Variants in PARD3 observed in about 807,000 individuals in gnomAD.
PARD3 encodes partitioning defective 3 homolog.
A neutral mutation model predicts 155.4 loss-of-function variants in PARD3; 75 were observed. That is an observed-to-expected ratio of 0.48 (90% CI 0.40 to 0.58). PARD3 has a LOEUF of 0.58. Ranked by LOEUF, PARD3 falls within the 20% of genes least tolerant of loss-of-function variation. PARD3 has a pLI of 0.00. For synonymous variants in PARD3, 576 were observed against 610.5 expected (o/e 0.94, Z 0.83); for missense variants, 1,642 against 1,721.7 (o/e 0.95, Z 0.82).
intron 2 of PARD3, among the ~76,000 whole-genome samples, chr10:34,519,814 AAAAT>A (rs1229767757): frequency 1.4e-5 from 2 of 147,702 alleles, no homozygotes; most frequent in East Asian, 2.0e-4. Context: ...ACTCCATCTC[AAAAT>A]AAATAACATA....
chr10:34,489,852 T>C (rs1422367389), intron 3 of PARD3, among the ~76,000 whole-genome samples: 2 of 152,204 alleles, frequency 1.3e-5, no homozygotes, highest in Non-Finnish European at 2.9e-5. Context: ...GGCTATAAAA[T>C]AGGTTCTATT....
chr10:34,501,325 C>T (rs1765265037), intron 3 of PARD3, among the ~76,000 whole-genome samples: 2 of 152,074 alleles, frequency 1.3e-5, no homozygotes, highest in African/African-American at 2.4e-5. Flanking sequence ...CCCCCCTCTG[C>T]CCGACTTGCT....
At chr10:34,673,463 T>A (rs1251047390) in intron 2 of PARD3, among the ~76,000 whole-genome samples, 2 of 152,194 alleles carry the variant, frequency 1.3e-5, no homozygotes, top group African/African-American at 4.8e-5. Context: ...TCATTACTTG[T>A]GGTTGGTAAA....
chr10:34,553,945 G>A (rs932654789), intron 2 of PARD3, among the ~76,000 whole-genome samples: 21 of 152,298 alleles, frequency 1.4e-4, no homozygotes, highest in Non-Finnish European at 2.6e-4. Flanking sequence ...TGCTAGACTA[G>A]TGATGCATTT....
At chr10:34,414,557 T>G (rs1378745596) in intron 5 of PARD3, among the ~76,000 whole-genome samples, 1 of 151,798 alleles carries the variant, frequency 6.6e-6, no homozygotes, top group Non-Finnish European at 1.5e-5. Context: ...GGCTCACACC[T>G]GTAATCCCAG....
At chr10:34,605,085 T>C (rs1364570105) in intron 2 of PARD3, among the ~76,000 whole-genome samples, 1 of 151,544 alleles carries the variant, frequency 6.6e-6, no homozygotes, top group African/African-American at 2.4e-5. Context: ...TTAATGAAAA[T>C]AATTTTGTTG....
chr10:34,740,127 A>G (rs1357530969), intron 1 of PARD3, among the ~76,000 whole-genome samples: 1 of 152,144 alleles, frequency 6.6e-6, no homozygotes, highest in African/African-American at 2.4e-5. Context: ...CCCCAAGAGG[A>G]GAAAGGGAGG....
At chr10:34,542,808 GCAT>G (rs1358697143) in intron 2 of PARD3, among the ~76,000 whole-genome samples, 2 of 152,118 alleles carry the variant, frequency 1.3e-5, no homozygotes, top group Non-Finnish European at 2.9e-5. Context: ...ATGGAACAAG[GCAT>G]CATCATTTAT....
At chr10:34,381,841 T>G (rs1589377053) in intron 9 of PARD3, among the ~76,000 whole-genome samples, 1 of 136,688 alleles carries the variant, frequency 7.3e-6, no homozygotes, top group African/African-American at 2.8e-5. Flanking sequence ...TGACATGGGG[T>G]GTTGCGGGCT....
At chr10:34,256,536 G>A (rs746154466) in intron 22 of PARD3, among the ~76,000 whole-genome samples, 11 of 152,240 alleles carry the variant, frequency 7.2e-5, no homozygotes, top group South Asian at 2.1e-4. Context: ...TTTATAGTCT[G>A]TAAAAACAGT....
At chr10:34,165,226 T>C (rs1004893321) in intron 22 of PARD3, among the ~76,000 whole-genome samples, 14 of 152,216 alleles carry the variant, frequency 9.2e-5, no homozygotes, top group African/African-American at 3.4e-4. Context: ...CCCAGTTTTC[T>C]CTTTTCTGAG....
At chr10:34,736,791 C>T (rs2094924182) in intron 1 of PARD3, among the ~76,000 whole-genome samples, 2 of 152,068 alleles carry the variant, frequency 1.3e-5, no homozygotes, top group South Asian at 4.1e-4. Context: ...TCTCCTCAGC[C>T]TCAGCCTCCC....
chr10:34,263,442 A>G (rs1281718686), intron 22 of PARD3, among the ~76,000 whole-genome samples: 2 of 152,134 alleles, frequency 1.3e-5, no homozygotes, highest in Non-Finnish European at 2.9e-5. Flanking sequence ...GGATCACTTG[A>G]GCCCAGGAGT....
intron 5 of PARD3, among the ~76,000 whole-genome samples, chr10:34,449,274 C>T (rs985854660): frequency 6.6e-6 from 1 of 151,892 alleles, no homozygotes; most frequent in Non-Finnish European, 1.5e-5. Flanking sequence ...ATAAAAACCT[C>T]ATACTGTACC....
At chr10:34,405,068 TCACAAACACAAACA>T (rs1436103117) in intron 5 of PARD3, among the ~76,000 whole-genome samples, 1 of 85,782 alleles carries the variant, frequency 1.2e-5, no homozygotes, top group Non-Finnish European at 2.3e-5. Flanking sequence ...TGAGACCCCA[TCACAAACACAAACA>T]CACACACACA....
At chr10:34,223,554 T>G (rs150822805) in intron 22 of PARD3, among the ~76,000 whole-genome samples, 17 of 152,242 alleles carry the variant, frequency 1.1e-4, no homozygotes, top group African/African-American at 3.4e-4. Context: ...GGGTGAGAGA[T>G]AAATTTGACC....
At chr10:34,394,262 G>T (rs1454500334) in intron 7 of PARD3, among the ~76,000 whole-genome samples, 2 of 152,166 alleles carry the variant, frequency 1.3e-5, no homozygotes, top group Non-Finnish European at 2.9e-5. Context: ...CTGACCTCAG[G>T]TGATCTGCCC....
At chr10:34,430,570 A>G (rs570283276) in intron 5 of PARD3, among the ~76,000 whole-genome samples, 1 of 152,356 alleles carries the variant, frequency 6.6e-6, no homozygotes, top group African/African-American at 2.4e-5. Flanking sequence ...ATTTTACATT[A>G]TCTTTACTGA....
intron 5 of PARD3, among the ~76,000 whole-genome samples, chr10:34,418,215 G>A (rs12260747): frequency 0.078 from 11,868 of 151,946 alleles, 1,450 homozygotes; most frequent in African/African-American, 0.26. Context: ...TTGTTCTATC[G>A]CCCGACTGGA....
Sources: gnomAD v4.1 joint callset for allele counts (sites outside exome capture counted in the v4.1 genomes callset) on GRCh38, gnomAD v4.1.1 for gene constraint, MANE v1.5 for transcripts, NCBI Gene and HGNC (gene_info 2026-07-23, HGNC 2026-07-21) for gene names.